NEO1: variants seen among roughly 807,000 people sequenced by gnomAD.
NEO1 encodes the protein neogenin.
Under a neutral mutation model 159.7 loss-of-function variants are expected in NEO1, and 63 were observed. The ratio of observed to expected loss-of-function variants is 0.39; its 90% CI spans 0.32 to 0.49. NEO1 has a LOEUF of 0.49. Among genes scored for constraint, NEO1 ranks in the 20% least tolerant of loss-of-function variants. The probability of loss-of-function intolerance (pLI) is 0.85; values close to 1 mark genes in which losing one functional copy is unlikely to be tolerated. For missense variants in NEO1, 1,615 were observed against 1,831.0 expected, an observed-to-expected ratio of 0.88 and a Z score of 2.15; for synonymous variants, 633 against 662.0, an observed-to-expected ratio of 0.96 and a Z score of 0.67.
intron 3 of NEO1, among the ~76,000 whole-genome samples, chr15:73,125,576 A>T (rs370864137): frequency 6.6e-6 from 1 of 152,220 alleles, no homozygotes; most frequent in African/African-American, 2.4e-5. Flanking sequence ...ATATGGGCAC[A>T]AGAGTCACAT....
intron 7 of NEO1, among the ~76,000 whole-genome samples, chr15:73,232,688 A>G (rs1181303244): frequency 2.0e-5 from 3 of 152,104 alleles, no homozygotes; most frequent in Non-Finnish European, 4.4e-5. Flanking sequence ...CTCATGGAAT[A>G]CCTTGTTCCA....
intron 1 of NEO1, among the ~76,000 whole-genome samples, chr15:73,107,369 G>T (rs2151549323): frequency 6.6e-6 from 1 of 152,248 alleles, no homozygotes; most frequent in East Asian, 1.9e-4. Context: ...ATGGCTTCCA[G>T]ATTTGTTGAT....
chr15:73,057,054 A>G (rs1025550007), intron 1 of NEO1, among the ~76,000 whole-genome samples: 5 of 152,220 alleles, frequency 3.3e-5, no homozygotes. Context: ...TGGTTCTGCA[A>G]CTTCACATAC....
intron 7 of NEO1, among the ~76,000 whole-genome samples, chr15:73,233,330 A>G (rs1174210755): frequency 1.3e-5 from 2 of 152,208 alleles, no homozygotes; most frequent in Non-Finnish European, 2.9e-5. Flanking sequence ...TGTATAACTA[A>G]TAAAACATTT....
intron 7 of NEO1, among the ~76,000 whole-genome samples, chr15:73,218,065 G>A (rs2150735563): frequency 6.6e-6 from 1 of 152,242 alleles, no homozygotes; most frequent in Admixed American, 6.5e-5. Flanking sequence ...CTGTGGGTTT[G>A]TCATAGATAG....
At chr15:73,252,989 T>TCAAAA (rs138386901) in intron 11 of NEO1, among the ~76,000 whole-genome samples, 31 of 151,194 alleles carry the variant, frequency 2.1e-4, no homozygotes, top group Middle Eastern at 6.8e-3. Context: ...AAACTTAGTC[T>TCAAAA]CAAAACAAAA....
intron 13 of NEO1, among the ~76,000 whole-genome samples, chr15:73,257,433 T>C (rs1483654131): frequency 1.3e-5 from 2 of 152,194 alleles, no homozygotes; most frequent in Non-Finnish European, 2.9e-5. Context: ...TTAATAGATT[T>C]CATTGAACTT....
At position 73,096,231 on chromosome 15, in the gene NEO1, C is replaced by T. The variant is rs138342899; in HGVS notation, c.131-20309C>T. On this transcript the variant is annotated intron_variant, in intron 1 of 28. Coordinates refer to ENST00000261908, the MANE Select transcript of NEO1 (RefSeq NM_002499.4). Reference sequence around the variant, plus strand: ...AACACAATAGATATCTCGGTTGGTTCGGCTTACACAATTATGACTGAAGAA... The same window carrying T: ...AACACAATAGATATCTCGGTTGGTTTGGCTTACACAATTATGACTGAAGAA... Among the ~76,000 whole-genome samples the T allele has an allele frequency of 3.2e-3, 492 of 152,146 alleles. 4 individuals are homozygous for T. The highest frequency in any genetic ancestry group is 0.011 in the African/African-American group (466 of 41,498).
intron 7 of NEO1, among the ~76,000 whole-genome samples, chr15:73,219,957 C>A (rs1261397203): frequency 6.6e-6 from 1 of 151,616 alleles, no homozygotes; most frequent in Non-Finnish European, 1.5e-5. Context: ...TGAATTTGAT[C>A]CTGTCAGTAT....
At chr15:73,200,103 A>G (rs370263501) in intron 7 of NEO1, among the ~76,000 whole-genome samples, 9 of 152,288 alleles carry the variant, frequency 5.9e-5, no homozygotes, top group East Asian at 1.9e-4. Context: ...AAGATTGTAG[A>G]GCTTGGTATT....
chr15:73,056,570 T>A (rs1429419225), intron 1 of NEO1, among the ~76,000 whole-genome samples: 3 of 152,218 alleles, frequency 2.0e-5, no homozygotes, highest in African/African-American at 4.8e-5. Flanking sequence ...CCTTTGTTTT[T>A]AACCCGTAGG....
At chr15:73,075,894 C>T (rs1454870127) in intron 1 of NEO1, among the ~76,000 whole-genome samples, 1 of 152,160 alleles carries the variant, frequency 6.6e-6, no homozygotes, top group Non-Finnish European at 1.5e-5. Flanking sequence ...TTGCACTTTA[C>T]TTGAGCTGTG....
chr15:73,200,152 A>C (rs1270770090), intron 7 of NEO1, among the ~76,000 whole-genome samples: 1 of 152,178 alleles, frequency 6.6e-6, no homozygotes, highest in Non-Finnish European at 1.5e-5. Context: ...CACCAGTGAA[A>C]CTATCTAGGC....
At chr15:73,201,928 G>A (rs886835994) in intron 7 of NEO1, among the ~76,000 whole-genome samples, 6 of 137,016 alleles carry the variant, frequency 4.4e-5, no homozygotes, top group Non-Finnish European at 7.9e-5. Context: ...TCTTTCTTTT[G>A]ATTAATTATA....
intron 8 of NEO1, among the ~76,000 whole-genome samples, chr15:73,238,271 GTTTTTTTTTTTTTTTT>G (rs55887721): frequency 2.1e-4 from 8 of 38,850 alleles, no homozygotes; most frequent in South Asian, 1.3e-3. Flanking sequence ...TTTAGTTTGG[GTTTTTTTTTTTTTTTT>G]TTTTTTTTTT....
At chr15:73,127,244 A>AG (rs1346582798) in intron 4 of NEO1, among the ~76,000 whole-genome samples, 2 of 151,802 alleles carry the variant, frequency 1.3e-5, no homozygotes, top group Non-Finnish European at 1.5e-5. Flanking sequence ...AAAAAAAAAA[A>AG]GAAACTGTAT....
chr15:73,254,132 G>C (rs1274542499), intron 12 of NEO1, among the ~76,000 whole-genome samples: 7 of 152,106 alleles, frequency 4.6e-5, no homozygotes, highest in Non-Finnish European at 8.8e-5. Context: ...GAAGGTTGCA[G>C]TGAGCCATGA....
At chr15:73,260,775 T>C (rs1368046590) in intron 15 of NEO1, among the ~76,000 whole-genome samples, 3 of 152,200 alleles carry the variant, frequency 2.0e-5, no homozygotes, top group African/African-American at 7.2e-5. Context: ...ACAGCCTATA[T>C]TGATAATGAT....
intron 18 of NEO1, 71 bp from the exon 19 acceptor site, chr15:73,272,384 G>C (rs1282994846): frequency 8.5e-7 from 1 of 1,173,000 alleles, no homozygotes; most frequent in African/African-American, 1.5e-5. Flanking sequence ...CCTTACAAGT[G>C]GAAAAGGTTG....
Sources: gnomAD v4.1 joint callset for allele counts (sites outside exome capture counted in the v4.1 genomes callset) on GRCh38, gnomAD v4.1.1 for gene constraint, MANE v1.5 for transcripts, NCBI Gene and HGNC (gene_info 2026-07-23, HGNC 2026-07-21) for gene names.